SAMD4A: variants seen among roughly 807,000 people sequenced by gnomAD.
SAMD4A encodes the protein protein Smaug homolog 1.
In SAMD4A, 33 loss-of-function variants were observed where a neutral mutation model predicts 81.3. The ratio of observed to expected loss-of-function variants is 0.41; its 90% confidence interval spans 0.31 to 0.54. The LOEUF is 0.54. SAMD4A is among the 20% of genes least tolerant of loss of function. The pLI, the probability that SAMD4A is intolerant of heterozygous loss-of-function variation, is 0.37. For missense variants in SAMD4A, 854 were observed against 951.1 expected, an observed-to-expected ratio of 0.90 and a Z score of 1.34; for synonymous variants, 389 against 382.1, an observed-to-expected ratio of 1.02 and a Z score of -0.21.
intron 12 of SAMD4A, among the ~76,000 whole-genome samples, chr14:54,786,562 G>A (rs1566641205): frequency 1.3e-5 from 2 of 152,218 alleles, no homozygotes; most frequent in South Asian, 2.1e-4. Context: ...CATGGGGAGG[G>A]AAGCCCCTGT....
At chr14:54,638,117 G>A (rs2035079453) in intron 2 of SAMD4A, among the ~76,000 whole-genome samples, 1 of 152,174 alleles carries the variant, frequency 6.6e-6, no homozygotes, top group African/African-American at 2.4e-5. Context: ...AGGAGATTAT[G>A]GCACAGCATA....
intron 2 of SAMD4A, among the ~76,000 whole-genome samples, chr14:54,676,162 C>T (rs572984418): frequency 5.9e-5 from 9 of 152,330 alleles, no homozygotes. Flanking sequence ...GCTCCATGTT[C>T]GATCTGAGAT....
chr14:54,631,950 C>T (rs978339435), intron 2 of SAMD4A, among the ~76,000 whole-genome samples: 4 of 152,190 alleles, frequency 2.6e-5, no homozygotes, highest in African/African-American at 7.2e-5. Context: ...TGGGCACTAC[C>T]GTTCATTCAT....
chr14:54,704,779 A>G (rs755908727), intron 3 of SAMD4A, among the ~76,000 whole-genome samples: 1 of 152,330 alleles, frequency 6.6e-6, no homozygotes, highest in Non-Finnish European at 1.5e-5. Flanking sequence ...TCATGACCAT[A>G]TCAACACTTA....
intron 12 of SAMD4A, among the ~76,000 whole-genome samples, chr14:54,788,439 A>G (rs1039466677): frequency 6.6e-6 from 1 of 151,944 alleles, no homozygotes; most frequent in Non-Finnish European, 1.5e-5. Flanking sequence ...CGGATGACCT[A>G]TCATCCCACC....
intron 2 of SAMD4A, among the ~76,000 whole-genome samples, chr14:54,656,401 T>C (rs934932906): frequency 6.6e-6 from 1 of 152,216 alleles, no homozygotes; most frequent in East Asian, 1.9e-4. Flanking sequence ...TGTGGACCCA[T>C]GTCAGCTTCT....
chr14:54,754,530 C>T (rs1160137563), intron 6 of SAMD4A, among the ~76,000 whole-genome samples: 2 of 152,174 alleles, frequency 1.3e-5, no homozygotes, highest in East Asian at 1.9e-4. Flanking sequence ...CCACTGAGGA[C>T]GCATCCCCTG....
At chr14:54,577,470 T>A (rs1030584869) in intron 2 of SAMD4A, among the ~76,000 whole-genome samples, 33 of 152,252 alleles carry the variant, frequency 2.2e-4, no homozygotes, top group African/African-American at 6.8e-4. Flanking sequence ...AATATTTGAA[T>A]GTAACCAGAT....
At chr14:54,592,826 A>G (rs1018426088) in intron 2 of SAMD4A, among the ~76,000 whole-genome samples, 23 of 152,316 alleles carry the variant, frequency 1.5e-4, no homozygotes, top group African/African-American at 5.3e-4. Flanking sequence ...CCTGCCACCC[A>G]GAGCCACGCA....
At chr14:54,718,031 G>A (rs1354973926) in intron 3 of SAMD4A, among the ~76,000 whole-genome samples, 1 of 151,970 alleles carries the variant, frequency 6.6e-6, no homozygotes, top group Non-Finnish European at 1.5e-5. Flanking sequence ...TGCTTCTAGA[G>A]CTATTCTCTT....
At chr14:54,669,385 T>C (rs1033805779) in intron 2 of SAMD4A, among the ~76,000 whole-genome samples, 3 of 151,520 alleles carry the variant, frequency 2.0e-5, no homozygotes, top group Non-Finnish European at 4.4e-5. Flanking sequence ...CAAGTTTGGC[T>C]GAAACAAGCT....
intron 2 of SAMD4A, among the ~76,000 whole-genome samples, chr14:54,606,088 G>C (rs999745863): frequency 1.3e-5 from 2 of 152,070 alleles, no homozygotes; most frequent in African/African-American, 2.4e-5. Flanking sequence ...GTTGCAAAAA[G>C]AAGCTTAATG....
At chr14:54,568,194 G>A in intron 2 of SAMD4A, 82 bp downstream of exon 2, 1 of 1,264,480 alleles carries the variant, frequency 7.9e-7, no homozygotes, top group Non-Finnish European at 1.0e-6. Context: ...GGGCCAGGCC[G>A]AGGCCAGTCC....
At chr14:54,779,682 T>A (rs56049001) in intron 11 of SAMD4A, among the ~76,000 whole-genome samples, 696 of 66,944 alleles carry the variant, frequency 0.01, 5 homozygotes, top group Non-Finnish European at 0.017. Context: ...GACAAGCTTT[T>A]TTTTTTTTTT....
chr14:54,642,353 G>A (rs975676163), intron 2 of SAMD4A, among the ~76,000 whole-genome samples: 2 of 152,206 alleles, frequency 1.3e-5, no homozygotes, highest in Non-Finnish European at 2.9e-5. Context: ...AAGAGTTACA[G>A]TGTATACTCT....
chr14:54,730,736 C>A (rs2037541164), intron 3 of SAMD4A, among the ~76,000 whole-genome samples: 1 of 152,182 alleles, frequency 6.6e-6, no homozygotes, highest in Non-Finnish European at 1.5e-5. Flanking sequence ...ACCCCACTTA[C>A]ACAAATCTGG....
At chr14:54,568,918 A>G (rs2033046266) in intron 2 of SAMD4A, among the ~76,000 whole-genome samples, 1 of 151,798 alleles carries the variant, frequency 6.6e-6, no homozygotes, top group Non-Finnish European at 1.5e-5. Flanking sequence ...CAGACACCTC[A>G]ACTAGTATGG....
At chr14:54,632,495 G>T (rs1266264836) in intron 2 of SAMD4A, among the ~76,000 whole-genome samples, 1 of 152,116 alleles carries the variant, frequency 6.6e-6, no homozygotes. Flanking sequence ...TTGCATAGAA[G>T]TATGCAAACA....
intron 2 of SAMD4A, among the ~76,000 whole-genome samples, chr14:54,646,549 G>A (rs1407526814): frequency 2.0e-5 from 3 of 152,206 alleles, no homozygotes; most frequent in Non-Finnish European, 4.4e-5. Flanking sequence ...TTTAGAAGCC[G>A]TAGCAAGAGA....
Sources: gnomAD v4.1 joint callset for allele counts (sites outside exome capture counted in the v4.1 genomes callset) on GRCh38, gnomAD v4.1.1 for gene constraint, MANE v1.5 for transcripts, NCBI Gene and HGNC (gene_info 2026-07-23, HGNC 2026-07-21) for gene names.